TNFSF4: variants seen among roughly 807,000 people sequenced by gnomAD.
The protein encoded by TNFSF4 is tumor necrosis factor ligand superfamily member 4.
In TNFSF4, 4 loss-of-function variants were observed where a neutral mutation model predicts 7.3. The ratio of observed to expected loss-of-function variants is 0.55; its 90% CI spans 0.27 to 1.25. The LOEUF is 1.25. Among genes scored for constraint, TNFSF4 ranks in the 50% most tolerant of loss-of-function variants. The probability of loss-of-function intolerance (pLI) is 0.12; values close to 1 mark genes in which losing one functional copy is unlikely to be tolerated. For missense variants in TNFSF4, 181 were observed against 208.8 expected, an observed-to-expected ratio of 0.87 and a Z score of 0.82; for synonymous variants, 76 against 83.7, an observed-to-expected ratio of 0.91 and a Z score of 0.50.
chr1:173,388,901 G>A, the TNFSF4 span, among the ~76,000 whole-genome samples: 10 of 152,194 alleles, frequency 6.6e-5, 1 homozygote, highest in Middle Eastern at 6.8e-3. Flanking sequence ...AAGGAGCCCA[G>A]AAACTAAAAA....
upstream of TNFSF4, among the ~76,000 whole-genome samples, chr1:173,209,343 G>A (rs1650301281): frequency 2.0e-5 from 3 of 152,108 alleles, no homozygotes; most frequent in South Asian, 6.2e-4. Flanking sequence ...TCTAGCATTT[G>A]AACAAATGAA....
At chr1:173,283,685 T>C in the TNFSF4 span, among the ~76,000 whole-genome samples, 1 of 152,120 alleles carries the variant, frequency 6.6e-6, no homozygotes, top group Non-Finnish European at 1.5e-5. Context: ...AGACTATATT[T>C]CAGTCAGTAG....
Position 173,186,289 on chromosome 1 carries a change from G to A in TNFSF4, c.*227C>T, listed in dbSNP as rs1201414709. ...GCTCAAGGCAATCTTGGGGTGTGAC[G>A]GCTAGGCAATTTAGAAAATATAAGG... is the stretch of plus-strand genomic sequence containing the variant. On this transcript the variant is annotated 3_prime_UTR_variant, in exon 3 of 3. Coordinates refer to ENST00000281834, the MANE Select transcript of TNFSF4 (RefSeq NM_003326.5). 8 of 454,316 alleles carry A rather than the reference G, an allele frequency of 1.8e-5. No individual in the cohort carries two copies. Among genetic ancestry groups the A allele is most frequent in the East Asian group, 3.4e-5 (1 of 29,734 alleles). 28.1% of individuals were successfully genotyped at this position (454,316 alleles called of 1,614,324 possible).
At chr1:173,426,541 G>A in the TNFSF4 span, among the ~76,000 whole-genome samples, 231 of 152,266 alleles carry the variant, frequency 1.5e-3, 1 homozygote, top group African/African-American at 5.4e-3. Flanking sequence ...TTTAAATACA[G>A]AGGTTATTCT....
At chr1:173,302,914 C>T in the TNFSF4 span, among the ~76,000 whole-genome samples, 1 of 151,838 alleles carries the variant, frequency 6.6e-6, no homozygotes, top group East Asian at 1.9e-4. Context: ...TAAACCCTGA[C>T]ATCAAACCAT....
At chr1:173,294,058 G>C in the TNFSF4 span, among the ~76,000 whole-genome samples, 1 of 152,016 alleles carries the variant, frequency 6.6e-6, no homozygotes, top group Non-Finnish European at 1.5e-5. Flanking sequence ...ATTTCTCAAA[G>C]AACTGCAAAC....
chr1:173,190,021 C>T (rs1334237540), intron 1 of TNFSF4, among the ~76,000 whole-genome samples: 4 of 150,152 alleles, frequency 2.7e-5, no homozygotes, highest in African/African-American at 9.9e-5. Flanking sequence ...ATCAGCCTGG[C>T]CAACATGGTG....
At chr1:173,337,037 C>T in the TNFSF4 span, among the ~76,000 whole-genome samples, 1 of 152,064 alleles carries the variant, frequency 6.6e-6, no homozygotes, top group Non-Finnish European at 1.5e-5. Flanking sequence ...TGCAGTAAAT[C>T]CAGGCTAATG....
chr1:173,372,903 C>T, the TNFSF4 span, among the ~76,000 whole-genome samples: 1 of 152,170 alleles, frequency 6.6e-6, no homozygotes, highest in East Asian at 1.9e-4. Context: ...TGACCTTAAC[C>T]TATATACCGA....
the TNFSF4 span, among the ~76,000 whole-genome samples, chr1:173,252,254 A>G: frequency 6.6e-6 from 1 of 152,152 alleles, no homozygotes; most frequent in African/African-American, 2.4e-5. Flanking sequence ...GGGAAAAAAT[A>G]AAGTCTTCCA....
At chr1:173,366,731 C>T in the TNFSF4 span, among the ~76,000 whole-genome samples, 5 of 152,062 alleles carry the variant, frequency 3.3e-5, no homozygotes. Flanking sequence ...ATCAAAATAT[C>T]TCATGCAACC....
At chr1:173,364,278 C>A in the TNFSF4 span, among the ~76,000 whole-genome samples, 22 of 142,312 alleles carry the variant, frequency 1.5e-4, no homozygotes, top group Middle Eastern at 3.9e-3. Flanking sequence ...ACATATTGTT[C>A]AAAAAAATAA....
the TNFSF4 span, among the ~76,000 whole-genome samples, chr1:173,256,975 C>T: frequency 6.6e-6 from 1 of 152,180 alleles, no homozygotes. Context: ...GGTGGATAAG[C>T]AAAGGGACTA....
At chr1:173,410,139 C>A in the TNFSF4 span, among the ~76,000 whole-genome samples, 1 of 152,190 alleles carries the variant, frequency 6.6e-6, no homozygotes, top group East Asian at 1.9e-4. Flanking sequence ...TCACCTGAGC[C>A]TTGGAGGTTG....
At chr1:173,336,775 T>C in the TNFSF4 span, among the ~76,000 whole-genome samples, 1 of 152,100 alleles carries the variant, frequency 6.6e-6, no homozygotes, top group Non-Finnish European at 1.5e-5. Context: ...CCAGTAAAGA[T>C]TCAGGGGCTT....
chr1:173,225,069 A>C, the TNFSF4 span, among the ~76,000 whole-genome samples: 1 of 152,168 alleles, frequency 6.6e-6, no homozygotes, highest in Non-Finnish European at 1.5e-5. Context: ...TGGTATAGAG[A>C]CTTTAACCAA....
chr1:173,397,161 C>T, the TNFSF4 span, among the ~76,000 whole-genome samples: 4 of 152,158 alleles, frequency 2.6e-5, no homozygotes, highest in African/African-American at 9.7e-5. Flanking sequence ...TAAATTCTTA[C>T]TTGATCTGGA....
At chr1:173,433,979 G>A in the TNFSF4 span, among the ~76,000 whole-genome samples, 1 of 152,190 alleles carries the variant, frequency 6.6e-6, no homozygotes, top group African/African-American at 2.4e-5. Context: ...AATGCCAAGT[G>A]AAGATGAGTT....
chr1:173,305,016 G>A, the TNFSF4 span, among the ~76,000 whole-genome samples: 1 of 151,866 alleles, frequency 6.6e-6, no homozygotes, highest in Non-Finnish European at 1.5e-5. Context: ...CAGAGCCTGA[G>A]GAACCATAGG....
Sources: allele counts gnomAD v4.1 joint callset (sites outside exome capture counted in the v4.1 genomes callset), GRCh38; gene constraint gnomAD v4.1.1; transcripts MANE v1.5; gene names NCBI Gene and HGNC (gene_info 2026-07-23, HGNC 2026-07-21).